The following KCTD19 variants were observed in gnomAD, a reference collection of about 807,000 sequenced individuals.
The protein encoded by KCTD19 is potassium channel tetramerization domain containing 19, also known as BTB/POZ domain-containing protein KCTD19.
KCTD19 carries 67 observed loss-of-function variants against 103.5 expected under a neutral mutation model. That is an observed-to-expected ratio of 0.65 (90% CI 0.53 to 0.79). The LOEUF is 0.79. Ranked by LOEUF, KCTD19 falls within the 30% of genes least tolerant of loss-of-function variation. The pLI, the probability that KCTD19 is intolerant of heterozygous loss-of-function variation, is 0.00. For synonymous variants in KCTD19, 439 were observed against 452.2 expected, an observed-to-expected ratio of 0.97 and a Z score of 0.37; for missense variants, 980 against 1,136.1, an observed-to-expected ratio of 0.86 and a Z score of 1.98.
chr16:67,295,314 T>G lies in KCTD19; in HGVS notation c.1340A>C (p.His447Pro). 1 of 1,614,224 alleles carries G rather than the reference T, an allele frequency of 6.2e-7. No individual in the cohort carries two copies. Among genetic ancestry groups the G allele is most frequent in the Non-Finnish European group, 8.5e-7 (1 of 1,180,034 alleles). ...LIHGDGQMFR[H>P]ILNFLRLGKL... ...GCCAAGTCTCAGGAAGTTGAGAATG[T>G]GTCGGAACATCTGGCCATCCCCGTG... Residue 447 changes from histidine to proline, a missense_variant, in exon 9 of 16, where the codon CAC becomes CCC. Transcript: ENST00000304372.
chr16:67,291,215 T>C, intron 14 of KCTD19, 94 bp downstream of exon 14: 1 of 1,470,606 alleles, frequency 6.8e-7, no homozygotes, highest in East Asian at 2.3e-5. Flanking sequence ...CCATCTTGGC[T>C]TACTTCCTCT....
In KCTD19 at chr16:67,323,759, G is replaced by A. The variant is rs139159560; in HGVS notation, c.4-2874C>T. ...TACTAATGAGTATGGGATTTCTTTT[G>A]GGGATGGTGAAAATGTTCTAAAATT... On this transcript the variant is annotated intron_variant, in intron 1 of 15. Transcript: ENST00000304372. This position sits in a 1 kb window ranked among gnomAD's most constrained non-coding sequence, Gnocchi z 4.1. 5.2e-3 allele frequency among the ~76,000 whole-genome samples: 786 copies of A among 152,210 alleles called. 9 individuals are homozygous for A. The highest frequency in any genetic ancestry group is 0.018 in the African/African-American group (753 of 41,504).
chr16:67,303,249 G>A lies in KCTD19; in HGVS notation c.540C>T (p.Asp180=). Residue 180 remains aspartate, a synonymous_variant, in exon 4 of 16, where the codon GAC becomes GAT. Transcript: ENST00000304372. The surrounding 1 kb of genome is among the most constrained non-coding windows in gnomAD (Gnocchi z 4.3). The stretch of plus-strand genomic sequence containing the variant: ...CTAGGCTGGGATATTTGGCCACCAG[G>A]TCTAGGGGCAGGAAGCAGTAGTGCA... ...EEVHYCFLPL[D]LVAKYPSLVT... is the part of the protein sequence containing the mutation. The A allele has an allele frequency of 1.9e-6, 3 of 1,614,122 alleles. No homozygotes were observed. Among genetic ancestry groups the A allele is most frequent in the East Asian group, 4.5e-5 (2 of 44,882 alleles).
At position 67,295,744 on chromosome 16, in the gene KCTD19, CTGTTT is replaced by C. The variant is rs1482504230; in HGVS notation, c.1249-344_1249-340del. The C allele has an allele frequency of 2.4e-5, 8 of 334,016 alleles. No homozygotes were observed. The East Asian group carries it at 4.2e-4, about 18-fold the overall frequency. The allele number at this position is 334,016 out of a possible 1,614,324, so 20.7% of individuals were successfully genotyped here. On this transcript the variant is annotated intron_variant, in intron 8 of 15. Coordinates refer to ENST00000304372, the MANE Select transcript of KCTD19 (RefSeq NM_001100915.3). ...GCAGGCCACTCGGTCCACTTGTGCT[CTGTTT>C]TGTTTTGTTTTTTGAGGCAGAGTCA...
At position 67,300,832 on chromosome 16, in the gene KCTD19, TG is replaced by T. The variant is rs1336891023; in HGVS notation, c.775+958del. On this transcript the variant is annotated intron_variant, in intron 5 of 15. Coordinates refer to ENST00000304372, the MANE Select transcript of KCTD19 (RefSeq NM_001100915.3). The surrounding 1 kb of genome is among the most constrained non-coding windows in gnomAD (Gnocchi z 4.5). ...GCTAATTTTTGTATTTTAGTAGAGATGGGGTTTCACCATGTTGGCCAGGCTG... is the reference window on the plus strand; with the variant it reads ...GCTAATTTTTGTATTTTAGTAGAGATGGGTTTCACCATGTTGGCCAGGCTG... 1 of 152,196 alleles carries T rather than the reference TG, an allele frequency of 6.6e-6. No homozygotes were observed. Among genetic ancestry groups the T allele is most frequent in the Non-Finnish European group, 1.5e-5 (1 of 68,088 alleles). The allele number at this position is 152,196 out of a possible 1,614,324, so 9.4% of individuals were successfully genotyped here.
chr16:67,296,301 G>C (rs1424982518), intron 7 of KCTD19, 42 bp from the exon 8 acceptor site: 1 of 1,283,808 alleles, frequency 7.8e-7, no homozygotes, highest in Admixed American at 1.7e-5. Flanking sequence ...CATATGGCCA[G>C]AAGGGAAAGC....
rs533353769 is a variant in KCTD19, at chr16:67,318,177, C to T, written c.300+2412G>A. ...GTCTTTTTTTAGGGAGGCAGAGCCA[C>T]ATGATTCTTCAAATACTTCTACTCC... On this transcript the variant is annotated intron_variant, in intron 2 of 15. Transcript: ENST00000304372. 9.8e-5 allele frequency among the ~76,000 whole-genome samples: 15 copies of T among 152,310 alleles called. No homozygotes were observed. In the South Asian group the frequency reaches 2.9e-3, roughly 29 times the overall value.
In KCTD19 at chr16:67,299,503, G is replaced by A. The variant is rs201466127; in HGVS notation, c.846C>T (p.Ser282=). ...GKGARTASLE[S]VKPLYTMALG... ...GGGCCATTGTGTAGAGCGGTTTCAC[G>A]GACTCCAGGCTGGCTGTGCGGGCCC... The change falls in exon 6 of 16, where the codon TCC becomes TCT. Residue 282 remains serine, a synonymous_variant. Coordinates refer to ENST00000304372, the MANE Select transcript of KCTD19 (RefSeq NM_001100915.3). 1.4e-4 allele frequency: 228 copies of A among 1,613,908 alleles called. No individual in the cohort carries two copies. Among genetic ancestry groups the A allele is most frequent in the Middle Eastern group, 1.2e-3 (7 of 6,062 alleles).
intron 12 of KCTD19, among the ~76,000 whole-genome samples, chr16:67,292,682 C>G (rs960600359): frequency 6.6e-5 from 10 of 152,146 alleles, no homozygotes; most frequent in African/African-American, 2.4e-4. Context: ...AGGCAGCATC[C>G]TGGCACAGCG....
Position 67,303,183 on chromosome 16 carries a change from G to A in KCTD19, c.606C>T (p.Ala202=), listed in dbSNP as rs187374294. The change falls in exon 4 of 16, where the codon GCC becomes GCT. Residue 202 remains alanine, a synonymous_variant. Coordinates refer to ENST00000304372, the MANE Select transcript of KCTD19 (RefSeq NM_001100915.3). This position sits in a 1 kb window ranked among gnomAD's most constrained non-coding sequence, Gnocchi z 4.3. ...DNLLWLAETV[A]LIECECSEFR... is the part of the protein sequence containing the mutation. Reference sequence around the variant, plus strand: ...ACTCGCTGCACTCGCACTCGATGAGGGCCACCGTCTCAGCCAGCCACAGCA... The same window carrying A: ...ACTCGCTGCACTCGCACTCGATGAGAGCCACCGTCTCAGCCAGCCACAGCA... 14 of 1,613,130 alleles carry A rather than the reference G, an allele frequency of 8.7e-6. No homozygotes were observed. In the East Asian group the frequency reaches 2.5e-4, roughly 28 times the overall value.
At chr16:67,292,246 G>A (rs954595230) in intron 12 of KCTD19, among the ~76,000 whole-genome samples, 13 of 152,182 alleles carry the variant, frequency 8.5e-5, no homozygotes, top group South Asian at 2.1e-4. Context: ...CAAGCAGGAA[G>A]GGGACCTCTG....
intron 2 of KCTD19, among the ~76,000 whole-genome samples, chr16:67,314,830 TAGAGAGAGAGAGAG>T (rs71145965): frequency 5.9e-5 from 2 of 33,652 alleles, no homozygotes; most frequent in Non-Finnish European, 8.8e-5. Context: ...TATATATATA[TAGAGAGAGAGAGAG>T]AGAGAGAGAG....
intron 6 of KCTD19, 117 bp downstream of exon 6, chr16:67,299,246 G>T: frequency 2.2e-6 from 2 of 908,282 alleles, no homozygotes; most frequent in Non-Finnish European, 3.5e-6. Context: ...TAAAATGATG[G>T]GCTGGCCCCA....
chr16:67,314,270 C>T (rs1302374209), intron 2 of KCTD19, among the ~76,000 whole-genome samples: 1 of 150,908 alleles, frequency 6.6e-6, no homozygotes, highest in Non-Finnish European at 1.5e-5. Context: ...CCCTTCCTTC[C>T]TTTCTTTCTT....
At chr16:67,294,883 G>C (rs2036746724) in intron 10 of KCTD19, 90 bp downstream of exon 10, 4 of 1,141,666 alleles carry the variant, frequency 3.5e-6, no homozygotes, top group Middle Eastern at 1.9e-4. Context: ...AGGAGATCAG[G>C]ATCCTCTAGG....
In KCTD19 at chr16:67,303,113, C is replaced by CGGGG; in HGVS notation, c.643+32_643+33insCCCC. The stretch of plus-strand genomic sequence containing the variant: ...GAGGGGTGAATGGGCCCTATCAGCC[C>CGGGG]GCCCCCCACCCCACCCCGGACAGAG... On this transcript the variant is annotated intron_variant, in intron 4 of 15. Coordinates refer to ENST00000304372, the MANE Select transcript of KCTD19 (RefSeq NM_001100915.3). The surrounding 1 kb of genome is among the most constrained non-coding windows in gnomAD (Gnocchi z 4.3). 1 of 442,696 alleles carries CGGGG rather than the reference C, an allele frequency of 2.3e-6. No individual in the cohort carries two copies. The highest frequency in any genetic ancestry group is 4.4e-6 in the Non-Finnish European group (1 of 228,040). The allele number at this position is 442,696 out of a possible 1,614,324, so 27.4% of individuals were successfully genotyped here. A position where few individuals can be genotyped will look rare whatever the true frequency, so the allele number is the denominator to read the frequency against.
In KCTD19 at chr16:67,290,919, C is replaced by T. The variant is rs201203484; in HGVS notation, c.2633G>A (p.Arg878Gln). 75 of 1,613,856 alleles carry T rather than the reference C, an allele frequency of 4.6e-5. No homozygotes were observed. The Admixed American group carries it at 1.1e-3, about 24-fold the overall frequency. The change falls in exon 15 of 16, where the codon CGG becomes CAG. Residue 878 changes from arginine to glutamine, a missense_variant. Coordinates refer to ENST00000304372, the MANE Select transcript of KCTD19 (RefSeq NM_001100915.3). Reference protein sequence around the residue: ...LLAITGFKDDRHTQERLYSWV... With the variant: ...LLAITGFKDDQHTQERLYSWV... ...GCTGTACAGGCGCTCCTGGGTGTGCCGGTCATCCTTGAAGCCGGTGATGGC... is the reference window on the plus strand; with the variant it reads ...GCTGTACAGGCGCTCCTGGGTGTGCTGGTCATCCTTGAAGCCGGTGATGGC...
intron 9 of KCTD19, 101 bp downstream of exon 9, chr16:67,295,162 A>G: frequency 6.4e-7 from 1 of 1,572,410 alleles, no homozygotes. Flanking sequence ...GATGGAAATA[A>G]AATAACCTCC....
At chr16:67,291,592 G>A in intron 13 of KCTD19, 54 bp downstream of exon 13, 1 of 1,580,862 alleles carries the variant, frequency 6.3e-7, no homozygotes, top group Non-Finnish European at 8.6e-7. Flanking sequence ...CTGGGAGGGG[G>A]CTCAGGCATC....
Sources: allele counts gnomAD v4.1 joint callset (sites outside exome capture counted in the v4.1 genomes callset), GRCh38; gene constraint gnomAD v4.1.1; non-coding constraint Gnocchi (gnomAD v3.1); transcripts MANE v1.5; gene names NCBI Gene and HGNC (gene_info 2026-07-23, HGNC 2026-07-21).